SLC24A3: variants seen among roughly 807,000 people sequenced by gnomAD.
SLC24A3 encodes solute carrier family 24 member 3.
SLC24A3 carries 28 observed loss-of-function variants against 75.8 expected under a neutral mutation model. The ratio of observed to expected loss-of-function variants is 0.37; its 90% CI spans 0.27 to 0.51. The LOEUF (loss-of-function observed/expected upper bound fraction) is 0.51, where lower values mean the gene tolerates loss of function less well. Ranked by LOEUF, SLC24A3 falls within the 20% of genes least tolerant of loss-of-function variation. The probability of loss-of-function intolerance (pLI) is 0.94; values close to 1 mark genes in which losing one functional copy is unlikely to be tolerated. For missense variants in SLC24A3, 663 were observed against 847.8 expected, an observed-to-expected ratio of 0.78 and a Z score of 2.71; for synonymous variants, 372 against 334.1, an observed-to-expected ratio of 1.11 and a Z score of -1.24.
intron 1 of SLC24A3, among the ~76,000 whole-genome samples, chr20:19,264,745 A>AAAG (rs10691363): frequency 6.8e-6 from 1 of 146,396 alleles, no homozygotes; most frequent in Admixed American, 7.0e-5. Flanking sequence ...AAAAAAAAAA[A>AAAG]CAAAACAAAA....
chr20:19,458,905 C>T (rs1015816069), intron 2 of SLC24A3, among the ~76,000 whole-genome samples: 6 of 152,158 alleles, frequency 3.9e-5, no homozygotes, highest in East Asian at 1.9e-4. Context: ...CTTACTTTGA[C>T]GGACTTAAGA....
intron 2 of SLC24A3, among the ~76,000 whole-genome samples, chr20:19,426,810 C>G (rs1025755685): frequency 4.6e-5 from 7 of 152,076 alleles, no homozygotes; most frequent in African/African-American, 1.7e-4. Context: ...CTGCGGCCAT[C>G]CAGGTGGGTG....
chr20:19,305,450 G>A (rs1444017268), intron 2 of SLC24A3, among the ~76,000 whole-genome samples: 2 of 151,878 alleles, frequency 1.3e-5, no homozygotes, highest in Non-Finnish European at 2.9e-5. Context: ...ACGCCCTGAC[G>A]GAGGGTAGAG....
At chr20:19,679,652 A>G (rs997095189) in intron 9 of SLC24A3, among the ~76,000 whole-genome samples, 3 of 152,228 alleles carry the variant, frequency 2.0e-5, no homozygotes, top group African/African-American at 4.8e-5. Flanking sequence ...TTTCTTTAAC[A>G]TAACCACATT....
intron 3 of SLC24A3, among the ~76,000 whole-genome samples, chr20:19,573,226 C>A (rs1258424541): frequency 2.0e-5 from 3 of 152,182 alleles, no homozygotes; most frequent in Admixed American, 6.5e-5. Context: ...TATTCAGAAG[C>A]CCTTATGTGG....
chr20:19,579,940 G>T, intron 3 of SLC24A3, 60 bp from the exon 4 acceptor site: 1 of 1,305,254 alleles, frequency 7.7e-7, no homozygotes, highest in Admixed American at 1.8e-5. Flanking sequence ...GTGGCTGGAC[G>T]TTCATCTTCC....
At chr20:19,344,560 A>G (rs1307495281) in intron 2 of SLC24A3, among the ~76,000 whole-genome samples, 1 of 152,218 alleles carries the variant, frequency 6.6e-6, no homozygotes, top group Admixed American at 6.5e-5. Flanking sequence ...TAAGTAAGTC[A>G]CTTCTGTGGA....
intron 3 of SLC24A3, among the ~76,000 whole-genome samples, chr20:19,520,053 G>C (rs1341103906): frequency 6.6e-6 from 1 of 152,106 alleles, no homozygotes; most frequent in Non-Finnish European, 1.5e-5. Flanking sequence ...CTGTCTTCTG[G>C]AAGGCAGATA....
chr20:19,279,275 A>G (rs1983584515), intron 1 of SLC24A3, among the ~76,000 whole-genome samples: 1 of 152,218 alleles, frequency 6.6e-6, no homozygotes, highest in Non-Finnish European at 1.5e-5. Flanking sequence ...GGTTAGGCCC[A>G]CGTCTTGTGT....
At chr20:19,230,661 T>TTG (rs1555782573) in intron 1 of SLC24A3, among the ~76,000 whole-genome samples, 3 of 103,018 alleles carry the variant, frequency 2.9e-5, no homozygotes, top group Non-Finnish European at 4.5e-5. Flanking sequence ...GACATATTGA[T>TTG]GGGGGGGGTG....
rs138411529 is a variant in SLC24A3, at chr20:19,273,229, G to A, written c.143-7730G>A. Among the ~76,000 whole-genome samples, 594 of 152,278 alleles carry A rather than the reference G, an allele frequency of 3.9e-3. 4 individuals carry two copies. The highest frequency in any genetic ancestry group is 0.012 in the African/African-American group (501 of 41,552). ...GTGTGGGCGAGGCCATGTAGGGGTC[G>A]GTGTCATGTCGGACAGGAAGGCAAA... On this transcript the variant is annotated intron_variant, in intron 1 of 16. Transcript: ENST00000328041.
chr20:19,641,488 C>G (rs1358492736), intron 6 of SLC24A3, among the ~76,000 whole-genome samples: 1 of 152,178 alleles, frequency 6.6e-6, no homozygotes, highest in Admixed American at 6.5e-5. Flanking sequence ...TGTGTGGACT[C>G]TGAGATAATC....
chr20:19,278,090 C>T (rs1406239905), intron 1 of SLC24A3, among the ~76,000 whole-genome samples: 2 of 152,208 alleles, frequency 1.3e-5, no homozygotes, highest in Non-Finnish European at 2.9e-5. Flanking sequence ...CTAGCACCTT[C>T]CTGTCATTGC....
At chr20:19,301,268 G>A (rs1458816903) in intron 2 of SLC24A3, among the ~76,000 whole-genome samples, 3 of 152,174 alleles carry the variant, frequency 2.0e-5, no homozygotes, top group South Asian at 2.1e-4. Flanking sequence ...CAAAGATGTT[G>A]CAAAAATGGA....
chr20:19,591,417 T>A (rs1487584313), intron 6 of SLC24A3, among the ~76,000 whole-genome samples: 4 of 152,160 alleles, frequency 2.6e-5, no homozygotes. Flanking sequence ...ACATCAGGTA[T>A]GACTTGATCA....
At chr20:19,694,306 A>T (rs2032779988) in intron 13 of SLC24A3, 1 of 152,218 alleles carries the variant, frequency 6.6e-6, no homozygotes, top group Non-Finnish European at 1.5e-5. Flanking sequence ...AATCCAAATT[A>T]ATCTTGCCTT....
At chr20:19,364,203 C>G (rs925096820) in intron 2 of SLC24A3, among the ~76,000 whole-genome samples, 2 of 152,098 alleles carry the variant, frequency 1.3e-5, no homozygotes, top group African/African-American at 2.4e-5. Flanking sequence ...CCGTGTGGGT[C>G]TCCCAAAGTA....
intron 6 of SLC24A3, among the ~76,000 whole-genome samples, chr20:19,587,885 C>A (rs534565641): frequency 1.7e-4 from 26 of 152,290 alleles, no homozygotes; most frequent in African/African-American, 6.3e-4. Context: ...ACACCATTAG[C>A]TATGCTCAGA....
In SLC24A3 at chr20:19,426,814, G is replaced by A. The variant is rs575871301; in HGVS notation, c.272-88674G>A. ...TCAGGAGGCTACTGCGGCCATCCAG[G>A]TGGGTGATGAGGAATACCTGAACCA... On this transcript the variant is annotated intron_variant, in intron 2 of 16. Transcript: ENST00000328041. Among the ~76,000 whole-genome samples the A allele has an allele frequency of 9.8e-5, 15 of 152,306 alleles. No individual in the cohort carries two copies. In the Middle Eastern group the frequency reaches 0.014, roughly 138 times the overall value.
Sources: allele counts gnomAD v4.1 joint callset (sites outside exome capture counted in the v4.1 genomes callset), GRCh38; gene constraint gnomAD v4.1.1; transcripts MANE v1.5; gene names NCBI Gene and HGNC (gene_info 2026-07-23, HGNC 2026-07-21).